HTR1F: variants seen among roughly 807,000 people sequenced by gnomAD.
The protein encoded by HTR1F is 5-hydroxytryptamine (serotonin) receptor 1F, G protein-coupled.
HTR1F carries 17 observed loss-of-function variants against 24.0 expected under a neutral mutation model. The observed-to-expected ratio is 0.71, with a 90% CI of 0.48 to 1.06. The LOEUF (loss-of-function observed/expected upper bound fraction) is 1.06. Ranked by LOEUF, HTR1F falls within the 50% of genes least tolerant of loss-of-function variation. The pLI, the probability that HTR1F is intolerant of heterozygous loss-of-function variation, is 0.00. For missense variants in HTR1F, 391 were observed against 427.8 expected, an observed-to-expected ratio of 0.91 and a Z score of 0.76; for synonymous variants, 186 against 156.8, an observed-to-expected ratio of 1.19 and a Z score of -1.39.
intron 2 of HTR1F, among the ~76,000 whole-genome samples, chr3:87,897,153 A>G (rs988867088): frequency 4.0e-5 from 6 of 151,508 alleles, no homozygotes; most frequent in African/African-American, 1.5e-4. Flanking sequence ...ATATGGAACC[A>G]ATGCTGGTGC....
At chr3:87,905,570 G>T (rs1444999553) in intron 2 of HTR1F, among the ~76,000 whole-genome samples, 2 of 152,058 alleles carry the variant, frequency 1.3e-5, no homozygotes, top group African/African-American at 4.8e-5. Flanking sequence ...ACGTTGGGAT[G>T]CTCCCTTTGA....
At chr3:87,831,326 A>C (rs1320720740) in intron 2 of HTR1F, among the ~76,000 whole-genome samples, 2 of 144,710 alleles carry the variant, frequency 1.4e-5, no homozygotes, top group Non-Finnish European at 3.0e-5. Flanking sequence ...AAAAGATATT[A>C]AGAAATTATT....
rs1468713599 is a variant in HTR1F at position 87,824,118 on chromosome 3, T to G, written c.-43+1994T>G. ...CCAGCCCTGAATCCCCTATGATTTCTTACTTAGATATCAAAGAGCTATAAA... is the reference window on the plus strand; with the variant it reads ...CCAGCCCTGAATCCCCTATGATTTCGTACTTAGATATCAAAGAGCTATAAA... On this transcript the variant is annotated intron_variant, in intron 2 of 2. Transcript: ENST00000319595. Among the ~76,000 whole-genome samples, 16 of 152,136 alleles carry G rather than the reference T, an allele frequency of 1.1e-4. No homozygotes were observed. The East Asian group carries it at 3.1e-3, about 29-fold the overall frequency.
At chr3:87,916,333 G>T (rs1485782374) in intron 2 of HTR1F, among the ~76,000 whole-genome samples, 1 of 136,022 alleles carries the variant, frequency 7.4e-6, no homozygotes, top group East Asian at 2.2e-4. Flanking sequence ...AAAAAACAAG[G>T]TACACAGGCA....
chr3:87,906,896 A>C (rs1703679035), intron 2 of HTR1F, among the ~76,000 whole-genome samples: 2 of 152,044 alleles, frequency 1.3e-5, no homozygotes, highest in Non-Finnish European at 2.9e-5. Context: ...GTAGTATTCC[A>C]TGGTATATAT....
chr3:87,962,058 T>G (rs1306085793), intron 2 of HTR1F, among the ~76,000 whole-genome samples: 2 of 152,082 alleles, frequency 1.3e-5, no homozygotes, highest in African/African-American at 4.8e-5. Flanking sequence ...CTATCTACAT[T>G]GCATCAAAAA....
At chr3:87,919,046 G>A (rs1703955069) in intron 2 of HTR1F, among the ~76,000 whole-genome samples, 1 of 152,084 alleles carries the variant, frequency 6.6e-6, no homozygotes, top group Admixed American at 6.6e-5. Context: ...CAATGGAACA[G>A]AACAGAGAAC....
rs183349604 is a variant in HTR1F, at chr3:87,841,082, T to G, written c.-43+18958T>G. Among the ~76,000 whole-genome samples, 5 of 152,082 alleles carry G rather than the reference T, an allele frequency of 3.3e-5. No homozygotes were observed. In the East Asian group the frequency reaches 5.8e-4, roughly 18 times the overall value. ...TTTAAAGAAAGGATTTTAAATATTC[T>G]TGGCACAGAGAAATGATAAATATTT... On this transcript the variant is annotated intron_variant, in intron 2 of 2. Coordinates refer to ENST00000319595, the MANE Select transcript of HTR1F (RefSeq NM_001322209.2).
At chr3:87,809,230 ATT>A (rs1261787669) in intron 1 of HTR1F, among the ~76,000 whole-genome samples, 1 of 151,836 alleles carries the variant, frequency 6.6e-6, no homozygotes, top group African/African-American at 2.4e-5. Flanking sequence ...CCTCAGCAAT[ATT>A]GTTTCTGCTT....
intron 2 of HTR1F, among the ~76,000 whole-genome samples, chr3:87,898,748 A>T (rs1307179379): frequency 1.3e-5 from 2 of 152,008 alleles, no homozygotes; most frequent in Non-Finnish European, 2.9e-5. Flanking sequence ...CATACATATG[A>T]TATTTTATTT....
Position 87,967,318 on chromosome 3 carries a change from C to T in HTR1F, c.-42-23390C>T, listed in dbSNP as rs189663764. On this transcript the variant is annotated intron_variant, in intron 2 of 2. Coordinates refer to ENST00000319595, the MANE Select transcript of HTR1F (RefSeq NM_001322209.2). ...TACAAAAATTAGCCGGGCATGGTGG[C>T]ACACTCCTGTAATCCCCGCTACTCA... 4.8e-3 allele frequency among the ~76,000 whole-genome samples: 723 copies of T among 152,146 alleles called. 4 individuals carry two copies. The highest frequency in any genetic ancestry group is 0.016 in the African/African-American group (671 of 41,494).
chr3:87,796,111 C>T (rs1703899813), intron 1 of HTR1F, among the ~76,000 whole-genome samples: 1 of 152,120 alleles, frequency 6.6e-6, no homozygotes, highest in African/African-American at 2.4e-5. Context: ...AGAAGGCTGT[C>T]AGGCAGTCAC....
At chr3:87,891,747 A>T (rs1325646011) in intron 2 of HTR1F, among the ~76,000 whole-genome samples, 1 of 152,222 alleles carries the variant, frequency 6.6e-6, no homozygotes, top group Non-Finnish European at 1.5e-5. Context: ...TCATGAAGGA[A>T]TGTCCACAAA....
At chr3:87,888,583 C>T (rs1706010590) in intron 2 of HTR1F, among the ~76,000 whole-genome samples, 1 of 152,064 alleles carries the variant, frequency 6.6e-6, no homozygotes, top group Non-Finnish European at 1.5e-5. Context: ...AAATTTCCAT[C>T]TGATGTCACA....
chr3:87,902,307 G>A (rs555310898), intron 2 of HTR1F, among the ~76,000 whole-genome samples: 1 of 152,180 alleles, frequency 6.6e-6, no homozygotes, highest in Non-Finnish European at 1.5e-5. Flanking sequence ...CCACCACTAT[G>A]CAAAGGGGGA....
At chr3:87,953,394 T>A (rs181176731) in intron 2 of HTR1F, among the ~76,000 whole-genome samples, 1 of 151,222 alleles carries the variant, frequency 6.6e-6, no homozygotes, top group Non-Finnish European at 1.5e-5. Flanking sequence ...AGGATCTGCA[T>A]AGACATCTTA....
intron 2 of HTR1F, among the ~76,000 whole-genome samples, chr3:87,935,465 C>T (rs1704389911): frequency 6.6e-6 from 1 of 151,340 alleles, no homozygotes; most frequent in African/African-American, 2.4e-5. Context: ...CTGCAAGTGT[C>T]TTATCCTCAT....
At chr3:87,930,753 T>C (rs1442593997) in intron 2 of HTR1F, among the ~76,000 whole-genome samples, 1 of 152,170 alleles carries the variant, frequency 6.6e-6, no homozygotes, top group Non-Finnish European at 1.5e-5. Context: ...CAATCATATA[T>C]GTAAAATATG....
At chr3:87,849,108 T>A (rs1442040035) in intron 2 of HTR1F, among the ~76,000 whole-genome samples, 1 of 151,378 alleles carries the variant, frequency 6.6e-6, no homozygotes, top group Non-Finnish European at 1.5e-5. Context: ...AAAAAACTAC[T>A]TTAAAGTTCA....
Sources: gnomAD v4.1 joint callset for allele counts (sites outside exome capture counted in the v4.1 genomes callset) on GRCh38, gnomAD v4.1.1 for gene constraint, MANE v1.5 for transcripts, NCBI Gene and HGNC (gene_info 2026-07-23, HGNC 2026-07-21) for gene names.